PCDH19: variants seen among roughly 807,000 people sequenced by gnomAD.
PCDH19 encodes protocadherin 19.
PCDH19 carries 6 observed loss-of-function variants against 46.2 expected under a neutral mutation model. That is an observed-to-expected ratio of 0.13 (90% CI 0.07 to 0.26). The LOEUF is 0.26. PCDH19 is among the 10% of genes least tolerant of loss of function. The pLI is 1.00. For synonymous variants in PCDH19, 481 were observed against 415.7 expected, an observed-to-expected ratio of 1.16 and a Z score of -1.91; for missense variants, 740 against 972.3, an observed-to-expected ratio of 0.76 and a Z score of 3.18.
intron 3 of PCDH19, among the ~76,000 whole-genome samples, chrX:100,374,405 A>G (rs1254772387): frequency 8.9e-6 from 1 of 112,154 alleles, no homozygotes; most frequent in African/African-American, 3.2e-5. Flanking sequence ...AGTCACAGGC[A>G]ATGTACAGAA....
chrX:100,343,476 A>G (rs1367267124), intron 4 of PCDH19, among the ~76,000 whole-genome samples: 1 of 112,119 alleles, frequency 8.9e-6, no homozygotes, highest in Non-Finnish European at 1.9e-5. Flanking sequence ...TTGATAGGTA[A>G]AATGATTCTT....
chrX:100,338,022 T>C (rs1350971484), intron 5 of PCDH19, among the ~76,000 whole-genome samples: 3 of 111,549 alleles, frequency 2.7e-5, no homozygotes, highest in Non-Finnish European at 5.6e-5. Flanking sequence ...AGTGACTAAA[T>C]ACCTGACTTT....
intron 3 of PCDH19, among the ~76,000 whole-genome samples, chrX:100,396,099 C>T (rs2147527852): frequency 9.0e-6 from 1 of 111,588 alleles, no homozygotes; most frequent in East Asian, 2.9e-4. Context: ...CTGAGACACT[C>T]GATTCAACCA....
intron 5 of PCDH19, among the ~76,000 whole-genome samples, chrX:100,313,118 T>C (rs1402243015): frequency 8.9e-6 from 1 of 112,087 alleles, no homozygotes; most frequent in African/African-American, 3.2e-5. Flanking sequence ...CTGGTAAATT[T>C]AAATGTTCTG....
Position 100,407,997 on chromosome X carries a change from G to T in PCDH19, c.601C>A (p.Gln201Lys), listed in dbSNP as rs2147541289. Residue 201 changes from glutamine to lysine, a missense_variant, in exon 1 of 6, where the codon CAG becomes AAG. Transcript: ENST00000373034. Reference sequence around the variant, plus strand: ...GTGATTCGGAAGCTGTAGTGCGACTGCGTCTCGCGGTCCAGGCTCTTTTCC... The same window carrying T: ...GTGATTCGGAAGCTGTAGTGCGACTTCGTCTCGCGGTCCAGGCTCTTTTCC... ...VVEKSLDRET[Q>K]SHYSFRITAL... The T allele has an allele frequency of 8.3e-7, 1 of 1,208,007 alleles. No individual in the cohort carries two copies. Among genetic ancestry groups the T allele is most frequent in the Non-Finnish European group, 1.1e-6 (1 of 895,510 alleles).
At chrX:100,371,880 ACACC>A (rs766721897) in intron 3 of PCDH19, among the ~76,000 whole-genome samples, 244 of 88,576 alleles carry the variant, frequency 2.8e-3, no homozygotes, top group Admixed American at 0.012. Flanking sequence ...ACACACACAC[ACACC>A]CACACAAAAC....
intron 5 of PCDH19, among the ~76,000 whole-genome samples, chrX:100,319,669 C>G (rs2147465187): frequency 8.9e-6 from 1 of 112,066 alleles, no homozygotes; most frequent in South Asian, 3.8e-4. Flanking sequence ...GACTAAAAGA[C>G]ACTAAAGGCA....
chrX:100,303,889 T>C (rs2147452187), intron 5 of PCDH19, among the ~76,000 whole-genome samples: 1 of 112,533 alleles, frequency 8.9e-6, no homozygotes, highest in Non-Finnish European at 1.9e-5. Context: ...ATGCCAGCAC[T>C]GATTGGCATT....
chrX:100,392,946 C>T (rs1179606328), intron 3 of PCDH19, among the ~76,000 whole-genome samples: 2 of 111,385 alleles, frequency 1.8e-5, no homozygotes, highest in East Asian at 2.8e-4. Flanking sequence ...TTATAGCAAA[C>T]GACCTGTACA....
chrX:100,376,505 T>C (rs984302839), intron 3 of PCDH19, among the ~76,000 whole-genome samples: 1 of 111,636 alleles, frequency 9.0e-6, no homozygotes, highest in Middle Eastern at 4.2e-3. Flanking sequence ...TAGCTTTTCT[T>C]ATTAGCTAGG....
intron 3 of PCDH19, among the ~76,000 whole-genome samples, chrX:100,373,734 C>T (rs1927291349): frequency 9.0e-6 from 1 of 111,596 alleles, no homozygotes; most frequent in African/African-American, 3.3e-5. Context: ...TCAGAATTTC[C>T]TTGTGAGGGA....
intron 3 of PCDH19, among the ~76,000 whole-genome samples, chrX:100,357,375 T>A (rs1926748610): frequency 8.9e-6 from 1 of 112,067 alleles, no homozygotes; most frequent in African/African-American, 3.2e-5. Context: ...AATCTCCCTA[T>A]CCTATCAAAT....
chrX:100,341,861 T>C (rs1926258622), intron 5 of PCDH19, 42 bp downstream of exon 5: 2 of 1,167,778 alleles, frequency 1.7e-6, no homozygotes, highest in Non-Finnish European at 2.3e-6. Flanking sequence ...TTTTGGGTTC[T>C]TTGGAGTCGA....
intron 3 of PCDH19, among the ~76,000 whole-genome samples, chrX:100,380,254 C>A (rs900714391): frequency 9.0e-6 from 1 of 111,201 alleles, no homozygotes; most frequent in African/African-American, 3.3e-5. Context: ...AACAGCCAGC[C>A]GTCAACCATC....
chrX:100,332,337 C>T (rs964118490), intron 5 of PCDH19, among the ~76,000 whole-genome samples: 3 of 111,096 alleles, frequency 2.7e-5, no homozygotes, highest in Non-Finnish European at 3.8e-5. Flanking sequence ...GCCTGGCCAA[C>T]GTGGTGAAAC....
chrX:100,339,800 C>G (rs765763199), intron 5 of PCDH19, among the ~76,000 whole-genome samples: 3 of 111,925 alleles, frequency 2.7e-5, no homozygotes, highest in Non-Finnish European at 5.6e-5. Flanking sequence ...CAAGGGTTGG[C>G]TCAAGGTTTA....
chrX:100,313,735 C>CCTGGATGGG (rs199502755), intron 5 of PCDH19, among the ~76,000 whole-genome samples: 1,616 of 110,349 alleles, frequency 0.015, 26 homozygotes, highest in African/African-American at 0.05. Context: ...TCCTAATGGC[C>CCTGGATGGG]CTGGATGGGT....
At chrX:100,297,238 G>C (rs1042361596) in intron 5 of PCDH19, among the ~76,000 whole-genome samples, 4 of 111,729 alleles carry the variant, frequency 3.6e-5, no homozygotes, top group Non-Finnish European at 1.9e-5. Flanking sequence ...ACTGGATTCA[G>C]CAGATGAGGG....
intron 2 of PCDH19, 133 bp from the exon 3 acceptor site, chrX:100,402,984 G>A (rs777347072): frequency 2.1e-5 from 11 of 529,440 alleles, no homozygotes; most frequent in Middle Eastern, 4.4e-4. Flanking sequence ...TTACATCATC[G>A]GGTTTCTCCC....
Sources: allele counts gnomAD v4.1 joint callset (sites outside exome capture counted in the v4.1 genomes callset), GRCh38; gene constraint gnomAD v4.1.1; transcripts MANE v1.5; gene names NCBI Gene and HGNC (gene_info 2026-07-23, HGNC 2026-07-21).